The following SV2C variants were observed in gnomAD, a reference collection of about 807,000 sequenced individuals.
SV2C encodes the protein synaptic vesicle glycoprotein 2C, also known as solute carrier family 22 member B3.
In SV2C, 49 loss-of-function variants were observed where a neutral mutation model predicts 79.7. The observed-to-expected ratio is 0.61, with a 90% CI of 0.49 to 0.78. SV2C has a LOEUF of 0.78. SV2C is among the 30% of genes least tolerant of loss of function. The pLI is 0.00. For synonymous variants in SV2C, 334 were observed against 333.2 expected, an observed-to-expected ratio of 1.00 and a Z score of -0.03; for missense variants, 833 against 912.9, an observed-to-expected ratio of 0.91 and a Z score of 1.13.
In SV2C at chr5:76,285,248, G is replaced by A. The variant is rs372510291; in HGVS notation, c.1000G>A (p.Val334Met). 7 of 1,614,146 alleles carry A rather than the reference G, an allele frequency of 4.3e-6. No individual in the cohort carries two copies. Among genetic ancestry groups the A allele is most frequent in the Admixed American group, 3.3e-5 (2 of 60,026 alleles). ...CTGTGCACTCCCCTGTGTCTCCTCCGTGGTGGCCCTCACATTCATGCCTGA... is the reference window on the plus strand; with the variant it reads ...CTGTGCACTCCCCTGTGTCTCCTCCATGGTGGCCCTCACATTCATGCCTGA... ...IVCALPCVSS[V>M]VALTFMPESP... Residue 334 changes from valine to methionine, a missense_variant, in exon 5 of 13, where the codon GTG (valine) becomes ATG (methionine). Val to Met is a conservative substitution (Grantham distance 21). Transcript: ENST00000502798.
the SV2C span, among the ~76,000 whole-genome samples, chr5:75,984,573 A>G: frequency 0.014 from 1,107 of 79,788 alleles, 7 homozygotes; most frequent in East Asian, 0.03. Context: ...ATCTATATCT[A>G]TCTATCTATC....
the SV2C span, chr5:75,911,084 G>A: frequency 7.2e-7 from 1 of 1,388,110 alleles, no homozygotes; most frequent in Non-Finnish European, 1.0e-6. Flanking sequence ...ACCTGATGCA[G>A]CCCGGGGGAA....
chr5:76,299,088 T>C (rs529173798), intron 10 of SV2C, among the ~76,000 whole-genome samples, 161 bp downstream of exon 10: 2 of 152,330 alleles, frequency 1.3e-5, no homozygotes, highest in South Asian at 4.1e-4. Flanking sequence ...TTGGCTTGTA[T>C]TGTTTGTCTT....
At chr5:76,233,593 T>A (rs1745508590) in intron 4 of SV2C, among the ~76,000 whole-genome samples, 2 of 148,440 alleles carry the variant, frequency 1.3e-5, no homozygotes, top group Admixed American at 1.3e-4. Flanking sequence ...AGATAGCTCT[T>A]ATTATTTTGA....
chr5:76,174,282 C>G, intron 2 of SV2C: 1 of 1,213,146 alleles, frequency 8.2e-7, no homozygotes, highest in Non-Finnish European at 1.2e-6. Context: ...GGTCGCTACT[C>G]TAGGCGCCAC....
At chr5:76,106,307 C>T (rs1169595744) in intron 1 of SV2C, among the ~76,000 whole-genome samples, 2 of 152,170 alleles carry the variant, frequency 1.3e-5, no homozygotes, top group African/African-American at 4.8e-5. Flanking sequence ...TGCCCCCTCC[C>T]ATCTGAACTA....
At chr5:76,174,169 C>T in intron 2 of SV2C, 1 of 1,612,596 alleles carries the variant, frequency 6.2e-7, no homozygotes, top group Admixed American at 1.7e-5. Flanking sequence ...GAACGACTAG[C>T]TTATACTCAC....
chr5:75,868,941 T>C, the SV2C span, among the ~76,000 whole-genome samples: 6 of 152,326 alleles, frequency 3.9e-5, no homozygotes, highest in East Asian at 1.2e-3. Context: ...AGCATGAGTT[T>C]TTCCTTCTTT....
At chr5:76,014,423 G>A in the SV2C span, among the ~76,000 whole-genome samples, 41 of 152,114 alleles carry the variant, frequency 2.7e-4, no homozygotes, top group Admixed American at 3.3e-4. Context: ...AGAACTACTG[G>A]CATAATTTAG....
chr5:75,877,400 A>G, the SV2C span, among the ~76,000 whole-genome samples: 1 of 152,068 alleles, frequency 6.6e-6, no homozygotes, highest in Non-Finnish European at 1.5e-5. Flanking sequence ...AAACTAGAAG[A>G]CCTGAAGAAC....
chr5:76,318,961 C>T (rs756906216), intron 12 of SV2C, among the ~76,000 whole-genome samples: 1 of 152,202 alleles, frequency 6.6e-6, no homozygotes, highest in Non-Finnish European at 1.5e-5. Context: ...AAAGGTGACT[C>T]GTACTTTGGG....
At chr5:75,992,272 G>A in the SV2C span, among the ~76,000 whole-genome samples, 1 of 151,946 alleles carries the variant, frequency 6.6e-6, no homozygotes, top group East Asian at 1.9e-4. Flanking sequence ...CTAAGTGGAA[G>A]CAGGATAAGC....
chr5:76,136,912 C>T lies in SV2C; in HGVS notation c.580+4582C>T, dbSNP rs1423107. Among the ~76,000 whole-genome samples the T allele has an allele frequency of 2.4e-3, 370 of 152,212 alleles. 14 individuals carry two copies. In the East Asian group the frequency reaches 0.06, roughly 25 times the overall value. ...TCACATTGTGGATATATTGTGAAGACCTTAATGCCAAGATAGGGGTTTGGA... is the reference window on the plus strand; with the variant it reads ...TCACATTGTGGATATATTGTGAAGATCTTAATGCCAAGATAGGGGTTTGGA... On this transcript the variant is annotated intron_variant, in intron 2 of 12. Transcript: ENST00000502798.
At chr5:76,337,984 C>T (rs562656037), downstream of SV2C, among the ~76,000 whole-genome samples, 1 of 152,306 alleles carries the variant, frequency 6.6e-6, no homozygotes, top group East Asian at 1.9e-4. Context: ...CCTGGTGGCT[C>T]CAAGGGGAGC....
chr5:75,882,650 A>G, the SV2C span, among the ~76,000 whole-genome samples: 3 of 152,060 alleles, frequency 2.0e-5, no homozygotes, highest in Non-Finnish European at 2.9e-5. Flanking sequence ...GCAATGAGGA[A>G]AGGATTCCCT....
chr5:76,030,939 T>A, the SV2C span, among the ~76,000 whole-genome samples: 1 of 152,056 alleles, frequency 6.6e-6, no homozygotes, highest in Non-Finnish European at 1.5e-5. Context: ...AATACATAAA[T>A]CAAATATTTC....
chr5:76,033,113 A>G, the SV2C span, among the ~76,000 whole-genome samples: 3 of 151,986 alleles, frequency 2.0e-5, no homozygotes, highest in South Asian at 6.2e-4. Flanking sequence ...TTTCTTGTAA[A>G]TTTGTTTGAG....
chr5:76,097,165 A>C (rs944997650), intron 1 of SV2C, among the ~76,000 whole-genome samples: 4 of 152,192 alleles, frequency 2.6e-5, no homozygotes, highest in African/African-American at 9.6e-5. Context: ...CATGTCGCAC[A>C]GTTTTCCAGT....
At chr5:76,069,295 C>T in the SV2C span, among the ~76,000 whole-genome samples, 1 of 152,142 alleles carries the variant, frequency 6.6e-6, no homozygotes, top group Non-Finnish European at 1.5e-5. Context: ...TATGGCTGCT[C>T]CATCTGTCTG....
Sources: gnomAD v4.1 joint callset for allele counts (sites outside exome capture counted in the v4.1 genomes callset) on GRCh38, gnomAD v4.1.1 for gene constraint, MANE v1.5 for transcripts, NCBI Gene and HGNC (gene_info 2026-07-23, HGNC 2026-07-21) for gene names.